The following ASZ1 variants were observed in gnomAD, a reference collection of about 807,000 sequenced individuals.
The protein encoded by ASZ1 is ankyrin repeat, SAM and basic leucine zipper domain containing 1, also known as ankyrin repeat, SAM and basic leucine zipper domain-containing protein 1.
Under a neutral mutation model 61.8 loss-of-function variants are expected in ASZ1, and 67 were observed. The ratio of observed to expected loss-of-function variants is 1.08; its 90% confidence interval spans 0.89 to 1.33. The LOEUF is 1.33. Among genes scored for constraint, ASZ1 ranks in the 40% most tolerant of loss-of-function variants. The pLI is 0.00. For synonymous variants in ASZ1, 193 were observed against 192.7 expected, an observed-to-expected ratio of 1.00 and a Z score of -0.01; for missense variants, 577 against 554.5, an observed-to-expected ratio of 1.04 and a Z score of -0.41.
In ASZ1 at chr7:117,391,073, A is replaced by T. The variant is rs1231326068; in HGVS notation, c.441-5264T>A. 2.0e-5 allele frequency among the ~76,000 whole-genome samples: 3 copies of T among 151,258 alleles called. No individual in the cohort carries two copies. The East Asian group carries it at 5.8e-4, about 29-fold the overall frequency. On this transcript the variant is annotated intron_variant, in intron 4 of 12. Transcript: ENST00000284629. ...ATTGTGGTTTTGATTTGCATCTCTG[A>T]TGAGTAGTGATGTTGAGTACTTTTT... is the stretch of plus-strand genomic sequence containing the variant.
intron 11 of ASZ1, 190 bp from the exon 12 acceptor site, chr7:117,367,655 G>T: frequency 9.2e-7 from 1 of 1,084,046 alleles, no homozygotes. Context: ...CTTGCCAAAT[G>T]CATTTCCTGA....
At chr7:117,367,928 C>G (rs1243178519) in intron 11 of ASZ1, 8 of 949,348 alleles carry the variant, frequency 8.4e-6, no homozygotes, top group Non-Finnish European at 1.0e-5. Context: ...GTTGCCCAGG[C>G]TGGAGTGCAG....
intron 4 of ASZ1, among the ~76,000 whole-genome samples, chr7:117,411,693 A>T (rs924392056): frequency 6.6e-6 from 1 of 151,744 alleles, no homozygotes; most frequent in African/African-American, 2.4e-5. Flanking sequence ...TCTGATGCTT[A>T]CTCTGTGGCT....
chr7:117,382,175 G>T, intron 7 of ASZ1, 31 bp from the exon 8 acceptor site: 2 of 1,305,102 alleles, frequency 1.5e-6, no homozygotes, highest in South Asian at 1.2e-5. Flanking sequence ...GTCAATTTCA[G>T]AACAGATTAT....
At chr7:117,391,792 ATTT>A (rs1006245841) in intron 4 of ASZ1, among the ~76,000 whole-genome samples, 1 of 149,912 alleles carries the variant, frequency 6.7e-6, no homozygotes, top group African/African-American at 2.5e-5. Context: ...TTGGTTTCAT[ATTT>A]TTTTTTCTTA....
At chr7:117,404,435 T>C (rs1244173361) in intron 4 of ASZ1, among the ~76,000 whole-genome samples, 1 of 143,014 alleles carries the variant, frequency 7.0e-6, no homozygotes, top group East Asian at 2.1e-4. Context: ...TTTTTTTGAC[T>C]CCTTTGTCTT....
intron 8 of ASZ1, among the ~76,000 whole-genome samples, chr7:117,381,549 T>C (rs115397486): frequency 0.023 from 3,471 of 152,198 alleles, 131 homozygotes; most frequent in African/African-American, 0.079. Context: ...CTTCAGTATC[T>C]CCACCTAGCT....
At chr7:117,416,720 TC>T (rs1183282586) in intron 4 of ASZ1, among the ~76,000 whole-genome samples, 2 of 152,180 alleles carry the variant, frequency 1.3e-5, no homozygotes, top group East Asian at 3.9e-4. Context: ...TCAAAACTGA[TC>T]CAACTGTACA....
intron 4 of ASZ1, among the ~76,000 whole-genome samples, chr7:117,406,591 T>C (rs1322116084): frequency 6.6e-6 from 1 of 151,980 alleles, no homozygotes; most frequent in Non-Finnish European, 1.5e-5. Context: ...CTGTCTCTAT[T>C]AAAAATACAA....
At chr7:117,374,438 T>C (rs565536307) in intron 10 of ASZ1, among the ~76,000 whole-genome samples, 1 of 152,190 alleles carries the variant, frequency 6.6e-6, no homozygotes, top group African/African-American at 2.4e-5. Flanking sequence ...TTCTGATAAC[T>C]TAGCCAGGTA....
intron 2 of ASZ1, among the ~76,000 whole-genome samples, chr7:117,426,487 T>A (rs1370675308): frequency 1.6e-4 from 1 of 6,072 alleles, no homozygotes; most frequent in African/African-American, 1.7e-3. Context: ...AGATAACATC[T>A]CAAAAAAAAA....
At chr7:117,381,606 A>T (rs1461001447) in intron 8 of ASZ1, among the ~76,000 whole-genome samples, 1 of 152,110 alleles carries the variant, frequency 6.6e-6, no homozygotes, top group Non-Finnish European at 1.5e-5. Context: ...TGCTTAAAAC[A>T]CCCACACAGT....
chr7:117,378,644 A>G (rs1796183944), intron 10 of ASZ1, among the ~76,000 whole-genome samples: 1 of 152,070 alleles, frequency 6.6e-6, no homozygotes, highest in Non-Finnish European at 1.5e-5. Context: ...TAAATATGCA[A>G]CCACCGTACA....
intron 8 of ASZ1, among the ~76,000 whole-genome samples, chr7:117,381,694 T>G (rs914990954): frequency 2.6e-5 from 4 of 152,108 alleles, no homozygotes; most frequent in Admixed American, 1.3e-4. Context: ...AAATGAGATA[T>G]TTAAGTCACA....
At chr7:117,402,282 T>C (rs1796694818) in intron 4 of ASZ1, among the ~76,000 whole-genome samples, 1 of 152,154 alleles carries the variant, frequency 6.6e-6, no homozygotes, top group African/African-American at 2.4e-5. Flanking sequence ...ATGTATGCTA[T>C]TTGGCCACAT....
Position 117,424,345 on chromosome 7 carries a change from A to C in ASZ1, c.206-1986T>G, listed in dbSNP as rs1364341694. ...TGACTTTGAAAGGCAAAAAATTAAC[A>C]ATATTTTTAAAAAGAGTTACATAAT... On this transcript the variant is annotated intron_variant, in intron 2 of 12. Transcript: ENST00000284629. 5.3e-5 allele frequency among the ~76,000 whole-genome samples: 8 copies of C among 152,324 alleles called. No individual in the cohort carries two copies. In the East Asian group the frequency reaches 1.5e-3, roughly 29 times the overall value.
intron 4 of ASZ1, among the ~76,000 whole-genome samples, chr7:117,413,939 T>C (rs1403535556): frequency 3.9e-5 from 6 of 152,044 alleles, no homozygotes; most frequent in African/African-American, 1.4e-4. Context: ...AAAAATTTCT[T>C]AAAAACTGAG....
chr7:117,422,169 A>G (rs534692102), intron 3 of ASZ1, 68 bp downstream of exon 3: 20 of 1,542,056 alleles, frequency 1.3e-5, no homozygotes, highest in Admixed American at 6.0e-5. Context: ...TGCACTTTAT[A>G]TAATAGCTAC....
chr7:117,404,159 CA>C (rs1196586908), intron 4 of ASZ1, among the ~76,000 whole-genome samples: 1 of 152,050 alleles, frequency 6.6e-6, no homozygotes, highest in African/African-American at 2.4e-5. Flanking sequence ...CCCTGGCCAT[CA>C]CTGTTTGTAC....
Sources: allele counts gnomAD v4.1 joint callset (sites outside exome capture counted in the v4.1 genomes callset), GRCh38; gene constraint gnomAD v4.1.1; transcripts MANE v1.5; gene names NCBI Gene and HGNC (gene_info 2026-07-23, HGNC 2026-07-21).